SORBS2: variants seen among roughly 807,000 people sequenced by gnomAD.
The protein encoded by SORBS2 is sorbin and SH3 domain-containing protein 2.
SORBS2 carries 46 observed loss-of-function variants against 97.7 expected under a neutral mutation model. The observed-to-expected ratio is 0.47, with a 90% CI of 0.37 to 0.60. The LOEUF (loss-of-function observed/expected upper bound fraction) is 0.60, where lower values mean the gene tolerates loss of function less well. Ranked by LOEUF, SORBS2 falls within the 20% of genes least tolerant of loss-of-function variation. The probability of loss-of-function intolerance (pLI) is 0.00; values close to 1 mark genes in which losing one functional copy is unlikely to be tolerated. For synonymous variants in SORBS2, 476 were observed against 473.4 expected (o/e 1.01, Z -0.07); for missense variants, 1,316 against 1,282.3 (o/e 1.03, Z -0.40).
At position 185,842,900 on chromosome 4, in the gene SORBS2, A is replaced by G. The variant is rs112001397; in HGVS notation, c.-337-67534T>C. Among the ~76,000 whole-genome samples, 1,108 of 144,534 alleles carry G rather than the reference A, an allele frequency of 7.7e-3. 13 individuals are homozygous for G. The highest frequency in any genetic ancestry group is 0.012 in the Non-Finnish European group (797 of 66,996). 94.8% of individuals were successfully genotyped at this position (144,534 alleles called of 152,430 possible). On this transcript the variant is annotated intron_variant, in intron 1 of 20. Coordinates refer to the SORBS2 transcript ENST00000284776. Reference sequence around the variant, plus strand: ...CAGTGAGCCAAGATCACACCACTGTACTCCAGCCTGGCGACAGAGAAAGAC... The same window carrying G: ...CAGTGAGCCAAGATCACACCACTGTGCTCCAGCCTGGCGACAGAGAAAGAC...
At chr4:185,871,802 C>T (rs895879046) in intron 1 of SORBS2, among the ~76,000 whole-genome samples, 48 of 152,258 alleles carry the variant, frequency 3.2e-4, no homozygotes, top group African/African-American at 1.1e-3. Context: ...ATTGTGCTGG[C>T]TTTCTAGATC....
At chr4:185,776,918 T>A (rs868218026) in intron 1 of SORBS2, among the ~76,000 whole-genome samples, 220 of 127,214 alleles carry the variant, frequency 1.7e-3, no homozygotes, top group Middle Eastern at 8.9e-3. Context: ...AAAAAAAAAA[T>A]GCCCTGATAT....
intron 1 of SORBS2, among the ~76,000 whole-genome samples, chr4:185,939,201 C>T (rs542058181): frequency 1.3e-5 from 2 of 152,222 alleles, no homozygotes; most frequent in Admixed American, 1.3e-4. Context: ...AAATTTCTCT[C>T]CTCTCTCATT....
At chr4:185,863,709 T>C (rs781465660) in intron 1 of SORBS2, among the ~76,000 whole-genome samples, 22 of 152,200 alleles carry the variant, frequency 1.4e-4, no homozygotes, top group Non-Finnish European at 2.6e-4. Context: ...GTAATTGGAG[T>C]GTGGACCTAG....
intron 9 of SORBS2, among the ~76,000 whole-genome samples, chr4:185,616,890 A>G (rs1451906057): frequency 6.6e-6 from 1 of 152,170 alleles, no homozygotes; most frequent in Non-Finnish European, 1.5e-5. Flanking sequence ...CTGGGATTAC[A>G]GGCACCCACC....
At chr4:185,622,830 G>C in intron 7 of SORBS2, 84 bp downstream of exon 19, 2 of 1,372,174 alleles carry the variant, frequency 1.5e-6, no homozygotes, top group Non-Finnish European at 2.0e-6. Flanking sequence ...CAGCTCGGGA[G>C]TGATGAGATG....
In SORBS2 at chr4:185,625,732, G is replaced by A. The variant is rs116038683; in HGVS notation, c.634+1100C>T. On this transcript the variant is annotated intron_variant, in intron 6 of 14. Transcript: ENST00000418609. Reference sequence around the variant, plus strand: ...AAGATGTGATGGATGGGGCTCACACGCCCTGAACCATCAGCTGATATCACA... The same window carrying A: ...AAGATGTGATGGATGGGGCTCACACACCCTGAACCATCAGCTGATATCACA... Among the ~76,000 whole-genome samples the A allele has an allele frequency of 5.2e-3, 786 of 152,262 alleles. 4 individuals are homozygous for A. Among genetic ancestry groups the A allele is most frequent in the African/African-American group, 0.018 (752 of 41,544 alleles).
chr4:185,605,885 G>A (rs1432196694), intron 12 of SORBS2, among the ~76,000 whole-genome samples: 1 of 152,206 alleles, frequency 6.6e-6, no homozygotes, highest in African/African-American at 2.4e-5. Flanking sequence ...TTTTAAGAGA[G>A]AGGTTTGCAA....
chr4:185,741,968 T>C (rs2098730088), intron 2 of SORBS2, among the ~76,000 whole-genome samples: 1 of 152,180 alleles, frequency 6.6e-6, no homozygotes, highest in Admixed American at 6.5e-5. Flanking sequence ...CAGTTCATGT[T>C]TGATACAGCT....
chr4:185,726,257 C>T (rs544090413), intron 2 of SORBS2, among the ~76,000 whole-genome samples: 1 of 152,258 alleles, frequency 6.6e-6, no homozygotes, highest in South Asian at 2.1e-4. Flanking sequence ...ACATAAATCC[C>T]TCTCACTCAT....
intron 2 of SORBS2, 167 bp downstream of exon 2, chr4:185,775,060 A>G (rs573648827): frequency 6.6e-5 from 10 of 152,364 alleles, no homozygotes; most frequent in Admixed American, 2.6e-4. Flanking sequence ...TAAAACTTAC[A>G]GCCACAAAAA....
chr4:185,896,585 A>G (rs1005678465), intron 1 of SORBS2, among the ~76,000 whole-genome samples: 2 of 152,248 alleles, frequency 1.3e-5, no homozygotes, highest in Non-Finnish European at 2.9e-5. Context: ...GCTCTGTCTC[A>G]AAATAAATAA....
chr4:185,623,225 A>G lies in SORBS2; in HGVS notation c.1904T>C (p.Leu635Pro), dbSNP rs2096747104. 1 of 1,614,170 alleles carries G rather than the reference A, an allele frequency of 6.2e-7. No homozygotes were observed. Among genetic ancestry groups the G allele is most frequent in the Non-Finnish European group, 8.5e-7 (1 of 1,180,034 alleles). The change falls in exon 7 of 15, where the codon CTG becomes CCG. Residue 635 changes from leucine (L) to proline (P), a missense_variant. By Grantham distance (98) the Leu-to-Pro change is moderately conservative (BLOSUM62 -3). Coordinates refer to ENST00000418609, the Ensembl canonical transcript of SORBS2. The surrounding 1 kb of genome is among the most constrained non-coding windows in gnomAD (Gnocchi z 6.4). Reference sequence around the variant, plus strand: ...ACAGATGTCTTTAAGGGCAGAGTCCAGAGCCTCAAACACAGATGCTTTACA... The same window carrying G: ...ACAGATGTCTTTAAGGGCAGAGTCCGGAGCCTCAAACACAGATGCTTTACA...
chr4:185,617,872 T>G (rs575479676), intron 9 of SORBS2, among the ~76,000 whole-genome samples: 1 of 152,348 alleles, frequency 6.6e-6, no homozygotes, highest in East Asian at 1.9e-4. Flanking sequence ...TACTAAGTTC[T>G]AGTCATCAAC....
At chr4:185,631,016 T>C (rs2096897326) in intron 4 of SORBS2, among the ~76,000 whole-genome samples, 1 of 152,232 alleles carries the variant, frequency 6.6e-6, no homozygotes, top group African/African-American at 2.4e-5. Flanking sequence ...CATCATTCAA[T>C]CCTTATAAAA....
At position 185,709,304 on chromosome 4, in the gene SORBS2, C is replaced by CTTTTTTTTTTTTTTTTTT. The variant is rs70962587; in HGVS notation, c.-197-30500_-197-30483dup. ...GCATGAGCCGCTGTGCTGGCCAAAT[C>CTTTTTTTTTTTTTTTTTT]TTTTTTTTTTTTTTTTTTTTAGTAA... On this transcript the variant is annotated intron_variant, in intron 2 of 20. Coordinates refer to the SORBS2 transcript ENST00000284776. 7.2e-3 allele frequency among the ~76,000 whole-genome samples: 694 copies of CTTTTTTTTTTTTTTTTTT among 96,652 alleles called. 12 individuals are homozygous for CTTTTTTTTTTTTTTTTTT. Among genetic ancestry groups the CTTTTTTTTTTTTTTTTTT allele is most frequent in the Non-Finnish European group, 0.01 (507 of 49,152 alleles). 63.4% of individuals were successfully genotyped at this position (96,652 alleles called of 152,430 possible). A position where few individuals can be genotyped will look rare whatever the true frequency, so the allele number is the denominator to read the frequency against.
chr4:185,805,148 T>C (rs1325771591), intron 1 of SORBS2, among the ~76,000 whole-genome samples: 1 of 152,208 alleles, frequency 6.6e-6, no homozygotes, highest in Non-Finnish European at 1.5e-5. Flanking sequence ...TATGATGTGT[T>C]GCATTTGAGC....
chr4:185,750,493 A>G (rs903623025), intron 2 of SORBS2, among the ~76,000 whole-genome samples: 1 of 152,194 alleles, frequency 6.6e-6, no homozygotes, highest in Non-Finnish European at 1.5e-5. Flanking sequence ...ATTATTACAC[A>G]TGCTGTTCCA....
chr4:185,653,145 A>C (rs563507545), intron 1 of SORBS2, among the ~76,000 whole-genome samples: 1 of 152,358 alleles, frequency 6.6e-6, no homozygotes, highest in Non-Finnish European at 1.5e-5. Context: ...TGTTTTCAGA[A>C]TTAACTGGGG....
Sources: allele counts gnomAD v4.1 joint callset (sites outside exome capture counted in the v4.1 genomes callset), GRCh38; gene constraint gnomAD v4.1.1; non-coding constraint Gnocchi (gnomAD v3.1); transcripts MANE v1.5; gene names NCBI Gene and HGNC (gene_info 2026-07-23, HGNC 2026-07-21).